PDE4B: variants seen among roughly 807,000 people sequenced by gnomAD.
The protein encoded by PDE4B is 3',5'-cyclic-AMP phosphodiesterase 4B.
PDE4B carries 20 observed loss-of-function variants against 82.2 expected under a neutral mutation model. That is an observed-to-expected ratio of 0.24 (90% confidence interval 0.17 to 0.35). The LOEUF (loss-of-function observed/expected upper bound fraction) is 0.35, where lower values mean the gene tolerates loss of function less well. PDE4B is among the 10% of genes least tolerant of loss of function. The pLI is 1.00. For missense variants in PDE4B, 655 were observed against 907.2 expected, an observed-to-expected ratio of 0.72 and a Z score of 3.57; for synonymous variants, 320 against 318.9, an observed-to-expected ratio of 1.00 and a Z score of -0.04.
chr1:66,247,079 G>A (rs1187438166), intron 3 of PDE4B, among the ~76,000 whole-genome samples: 1 of 152,156 alleles, frequency 6.6e-6, no homozygotes, highest in African/African-American at 2.4e-5. Context: ...ACCTAGAGCT[G>A]TGCTGAATGC....
At position 66,373,327 on chromosome 1, in the gene PDE4B, C is replaced by T. The variant is rs2050851074; in HGVS notation, c.*649C>T. ...TTCCTTCCCCTGTTGTCCAGTCCAACTCCACAGTCACTCTTAAAACTTCTC... is the reference window on the plus strand; with the variant it reads ...TTCCTTCCCCTGTTGTCCAGTCCAATTCCACAGTCACTCTTAAAACTTCTC... On this transcript the variant is annotated 3_prime_UTR_variant, in exon 17 of 17. Coordinates refer to ENST00000341517, the MANE Select transcript of PDE4B (RefSeq NM_002600.4). 6.6e-6 allele frequency: 1 copy of T among 152,554 alleles called. No homozygotes were observed. Among genetic ancestry groups the T allele is most frequent in the Admixed American group, 6.5e-5 (1 of 15,284 alleles). 9.5% of individuals were successfully genotyped at this position (152,554 alleles called of 1,614,324 possible).
At chr1:66,029,113 C>T (rs972722836) in intron 3 of PDE4B, among the ~76,000 whole-genome samples, 1 of 152,188 alleles carries the variant, frequency 6.6e-6, no homozygotes, top group Admixed American at 6.5e-5. Context: ...TTTAGACTTA[C>T]AGTTCCACAT....
At position 66,323,933 on chromosome 1, in the gene PDE4B, T is replaced by A. The variant is rs937401950; in HGVS notation, c.635-8575T>A. Among the ~76,000 whole-genome samples the A allele has an allele frequency of 4.6e-5, 7 of 152,222 alleles. No individual in the cohort carries two copies. In the East Asian group the frequency reaches 7.7e-4, roughly 17 times the overall value. On this transcript the variant is annotated intron_variant, in intron 7 of 16. Coordinates refer to ENST00000341517, the MANE Select transcript of PDE4B (RefSeq NM_002600.4). Reference sequence around the variant, plus strand: ...GCTTGCCTCTATCCCTATCACTTTCTTGTGTCATTGGTCTTCAATACCAAT... The same window carrying A: ...GCTTGCCTCTATCCCTATCACTTTCATGTGTCATTGGTCTTCAATACCAAT...
intron 1 of PDE4B, among the ~76,000 whole-genome samples, chr1:65,883,332 T>G (rs926060896): frequency 3.9e-5 from 6 of 152,198 alleles, no homozygotes; most frequent in African/African-American, 1.4e-4. Context: ...TTTATTTCGC[T>G]GAGCAGTGGT....
chr1:66,172,343 A>G (rs116235219), intron 3 of PDE4B, among the ~76,000 whole-genome samples: 2,149 of 152,238 alleles, frequency 0.014, 32 homozygotes, highest in African/African-American at 0.044. Context: ...TCTTTATCCA[A>G]TTCACTGTGA....
intron 3 of PDE4B, among the ~76,000 whole-genome samples, chr1:66,175,486 C>A (rs1460492626): frequency 6.6e-6 from 1 of 152,172 alleles, no homozygotes; most frequent in East Asian, 1.9e-4. Context: ...AACACTTGGA[C>A]AAATCCAAAT....
intron 1 of PDE4B, among the ~76,000 whole-genome samples, chr1:65,906,927 T>G (rs868662055): frequency 6.6e-6 from 1 of 152,192 alleles, no homozygotes; most frequent in South Asian, 2.1e-4. Flanking sequence ...CAGGATAAGC[T>G]AATGGTTTAA....
intron 7 of PDE4B, among the ~76,000 whole-genome samples, chr1:66,288,056 A>T (rs994516285): frequency 3.9e-5 from 6 of 152,112 alleles, no homozygotes; most frequent in African/African-American, 1.4e-4. Flanking sequence ...TTTATAAAGA[A>T]AAGAGGTTTC....
intron 1 of PDE4B, among the ~76,000 whole-genome samples, chr1:65,866,371 G>A (rs17128076): frequency 0.053 from 8,101 of 152,162 alleles, 388 homozygotes; most frequent in Admixed American, 0.15. Context: ...TGAGGCAGCA[G>A]AATTGTCACT....
intron 7 of PDE4B, among the ~76,000 whole-genome samples, chr1:66,272,824 C>T (rs903740182): frequency 2.2e-4 from 27 of 122,528 alleles, no homozygotes; most frequent in African/African-American, 8.1e-4. Flanking sequence ...GAGTCTCACT[C>T]TGTCATCAGG....
intron 3 of PDE4B, among the ~76,000 whole-genome samples, chr1:66,165,261 G>A (rs180829254): frequency 2.6e-5 from 4 of 152,206 alleles, no homozygotes; most frequent in East Asian, 1.9e-4. Context: ...ATTTATAATA[G>A]CTATTGTTAT....
chr1:66,210,867 G>C (rs1649992680), intron 3 of PDE4B, among the ~76,000 whole-genome samples: 1 of 152,118 alleles, frequency 6.6e-6, no homozygotes, highest in African/African-American at 2.4e-5. Context: ...GACCATATTA[G>C]TTATGCATGA....
chr1:65,998,737 C>A (rs936703386), intron 3 of PDE4B, among the ~76,000 whole-genome samples: 3 of 152,122 alleles, frequency 2.0e-5, no homozygotes, highest in South Asian at 4.1e-4. Context: ...TGGTACAATA[C>A]CCCCACATGC....
intron 3 of PDE4B, among the ~76,000 whole-genome samples, chr1:66,081,929 T>TAAAA (rs1656763083): frequency 1.3e-5 from 2 of 151,834 alleles, no homozygotes; most frequent in Admixed American, 6.6e-5. Flanking sequence ...CATGTACTCA[T>TAAAA]TTCACAAGTC....
intron 1 of PDE4B, among the ~76,000 whole-genome samples, chr1:65,798,284 C>T (rs1446592665): frequency 2.7e-5 from 1 of 36,726 alleles, no homozygotes; most frequent in Non-Finnish European, 3.9e-5. Flanking sequence ...CGGAGTCTCG[C>T]TCTGTCGCCC....
At chr1:65,993,901 G>T (rs892852851) in intron 3 of PDE4B, among the ~76,000 whole-genome samples, 1 of 152,008 alleles carries the variant, frequency 6.6e-6, no homozygotes, top group Non-Finnish European at 1.5e-5. Flanking sequence ...GTAGGGTAAC[G>T]TCCTTAAACA....
rs72667483 is a variant in PDE4B, at chr1:66,123,062, T to C, written c.282-124398T>C. Among the ~76,000 whole-genome samples, 558 of 152,284 alleles carry C rather than the reference T, an allele frequency of 3.7e-3. 4 individuals carry two copies. The highest frequency in any genetic ancestry group is 0.027 in the Middle Eastern group (8 of 294). On this transcript the variant is annotated intron_variant, in intron 3 of 16. Coordinates refer to ENST00000341517, the MANE Select transcript of PDE4B (RefSeq NM_002600.4). ...CCATTTATCTGTTTCTCTTTTCTTT[T>C]TCCTTTATTGGGTGCTTCCAGTCTA...
intron 2 of PDE4B, among the ~76,000 whole-genome samples, chr1:65,914,373 C>T (rs1005588023): frequency 2.0e-5 from 3 of 151,984 alleles, no homozygotes; most frequent in African/African-American, 7.2e-5. Flanking sequence ...CCCAAATACA[C>T]TCCTTTTCCA....
At chr1:65,884,697 A>G (rs1439988613) in intron 1 of PDE4B, among the ~76,000 whole-genome samples, 1 of 152,226 alleles carries the variant, frequency 6.6e-6, no homozygotes, top group African/African-American at 2.4e-5. Context: ...TACACCTTAT[A>G]CAAAAATTAA....
Sources: allele counts gnomAD v4.1 joint callset (sites outside exome capture counted in the v4.1 genomes callset), GRCh38; gene constraint gnomAD v4.1.1; transcripts MANE v1.5; gene names NCBI Gene and HGNC (gene_info 2026-07-23, HGNC 2026-07-21).